TNFRSF4: variants seen among roughly 807,000 people sequenced by gnomAD.
TNFRSF4 encodes TNF receptor superfamily member 4, also known as tumor necrosis factor receptor superfamily member 4.
In TNFRSF4, 21 loss-of-function variants were observed where a neutral mutation model predicts 29.5. The observed-to-expected ratio is 0.71, with a 90% CI of 0.51 to 1.03. The LOEUF (loss-of-function observed/expected upper bound fraction) is 1.03, where lower values mean the gene tolerates loss of function less well. Among genes scored for constraint, TNFRSF4 ranks in the 50% least tolerant of loss-of-function variants. The pLI, the probability that TNFRSF4 is intolerant of heterozygous loss-of-function variation, is 0.00. For missense variants in TNFRSF4, 408 were observed against 387.8 expected, an observed-to-expected ratio of 1.05 and a Z score of -0.44; for synonymous variants, 197 against 172.7, an observed-to-expected ratio of 1.14 and a Z score of -1.10.
At position 1,213,696 on chromosome 1, in the gene TNFRSF4, T is replaced by G; in HGVS notation, c.235A>C (p.Lys79Gln). ...PGFYNDVVSS[K>Q]PCKPCTWCNL... ...CACCACGTGCAGGGCTTGCACGGCT[T>G]GGAGCTGACCACGTCGTTGTAGAAG... is the stretch of plus-strand genomic sequence containing the variant. The change falls in exon 2 of 7, where the codon AAG (lysine) becomes CAG (glutamine). Residue 79 changes from lysine to glutamine, a missense_variant. Physicochemically the swap from Lys to Gln is moderately conservative, Grantham distance 53. Transcript: ENST00000379236. 1 of 1,597,260 alleles carries G rather than the reference T, an allele frequency of 6.3e-7. No individual in the cohort carries two copies. The highest frequency in any genetic ancestry group is 1.1e-5 in the South Asian group (1 of 88,238).
At position 1,211,990 on chromosome 1, in the gene TNFRSF4, G is replaced by A; in HGVS notation, c.586C>T (p.Pro196Ser). The A allele has an allele frequency of 6.2e-7, 1 of 1,604,900 alleles. No individual in the cohort carries two copies. ...GTGGAGGGTCCCTGTGAGGTTCTGG[G>A]CCAGGCTTCAGTGGGCTGGACAGTG... ...PITVQPTEAW[P>S]RTSQGPSTRP... is the part of the protein sequence containing the mutation. The change falls in exon 5 of 7, where the codon CCC becomes TCC. Residue 196 changes from proline (P) to serine (S), a missense_variant. Physicochemically the swap from Pro to Ser is moderately conservative, Grantham distance 74. Coordinates refer to ENST00000379236, the MANE Select transcript of TNFRSF4 (RefSeq NM_003327.4).
chr1:1,212,063 G>A lies in TNFRSF4; in HGVS notation c.513C>T (p.Pro171=), dbSNP rs769524221. ...SSDAICEDRD[P]PATQPQETQG... ...GGGTCTCCTGGGGCTGCGTGGCTGGGGGGTCCCTGTCCTCACAGATTGCGT... is the reference window on the plus strand; with the variant it reads ...GGGTCTCCTGGGGCTGCGTGGCTGGAGGGTCCCTGTCCTCACAGATTGCGT... The change falls in exon 5 of 7, where the codon CCC becomes CCT. Residue 171 remains proline, a synonymous_variant. Transcript: ENST00000379236. 44 of 1,612,160 alleles carry A rather than the reference G, an allele frequency of 2.7e-5. No individual in the cohort carries two copies. Among genetic ancestry groups the A allele is most frequent in the Non-Finnish European group, 3.6e-5 (42 of 1,179,532 alleles).
At chr1:1,212,264 C>T (rs981200555) in intron 4 of TNFRSF4, 126 bp from the exon 5 acceptor site, 2 of 1,121,626 alleles carry the variant, frequency 1.8e-6, no homozygotes, top group Non-Finnish European at 2.6e-6. Context: ...AGGCCAGTGA[C>T]AGCCAAGGAC....
At position 1,213,802 on chromosome 1, in the gene TNFRSF4, C is replaced by A; in HGVS notation, c.146-17G>T. 1 of 1,583,866 alleles carries A rather than the reference C, an allele frequency of 6.3e-7. No homozygotes were observed. On this transcript the variant is annotated splice_polypyrimidine_tract_variant and intron_variant, in intron 1 of 6. Coordinates refer to ENST00000379236, the MANE Select transcript of TNFRSF4 (RefSeq NM_003327.4). ...TCCCGTTGCCTGCAGCAGAGGCCGGCGTCAGGCAGCGGTCAGGCCCCAGGC... is the reference window on the plus strand; with the variant it reads ...TCCCGTTGCCTGCAGCAGAGGCCGGAGTCAGGCAGCGGTCAGGCCCCAGGC...
Position 1,211,719 on chromosome 1 carries a change from C to A in TNFRSF4, c.748G>T (p.Ala250Ser). 6.3e-7 allele frequency: 1 copy of A among 1,585,950 alleles called. No individual in the cohort carries two copies. The change falls in exon 6 of 7, where the codon GCC (alanine) becomes TCC (serine). Residue 250 changes from alanine to serine, a missense_variant. Physicochemically the swap from Ala to Ser is moderately conservative, Grantham distance 99 (BLOSUM62 1). Coordinates refer to ENST00000379236, the MANE Select transcript of TNFRSF4 (RefSeq NM_003327.4). ...AGGCACTCACCAGGGGGCTTGTGGG[C>A]ATCGGGGGGCAGCCTCTGGTCCCTC... is the stretch of plus-strand genomic sequence containing the variant. The part of the protein sequence containing the change: ...LRRDQRLPPD[A>S]HKPPGGGSFR...
At chr1:1,211,683 G>A in intron 6 of TNFRSF4, 21 bp downstream of exon 6, 1 of 1,587,262 alleles carries the variant, frequency 6.3e-7, no homozygotes, top group Non-Finnish European at 8.6e-7. Context: ...GAGCAGTGCG[G>A]CAGGGCCATG....
At chr1:1,213,206 C>A in intron 2 of TNFRSF4, 113 bp from the exon 3 acceptor site, 1 of 1,535,716 alleles carries the variant, frequency 6.5e-7, no homozygotes, top group Non-Finnish European at 8.7e-7. Flanking sequence ...GGGCCGTGGG[C>A]AGGGGTCTGC....
In TNFRSF4 at chr1:1,214,107, C is replaced by T. The variant is rs1405732988; in HGVS notation, c.21G>A (p.Arg7=). MCVGAR[R]LGRGPCAALL... is the part of the protein sequence containing the mutation. The stretch of plus-strand genomic sequence containing the variant: ...GAGCCGCACACGGCCCGCGGCCCAG[C>T]CGCCGAGCCCCCACGCACATCCTCG... The change falls in exon 1 of 7, where the codon CGG becomes CGA. Residue 7 remains arginine, a synonymous_variant. Coordinates refer to ENST00000379236, the MANE Select transcript of TNFRSF4 (RefSeq NM_003327.4). This position sits in a 1 kb window ranked among gnomAD's most constrained non-coding sequence, Gnocchi z 4.2. The T allele has an allele frequency of 1.9e-6, 3 of 1,582,902 alleles. No homozygotes were observed. Among genetic ancestry groups the T allele is most frequent in the African/African-American group, 1.3e-5 (1 of 74,584 alleles).
chr1:1,212,476 G>A (rs1261459242), intron 4 of TNFRSF4, among the ~76,000 whole-genome samples, 162 bp downstream of exon 4: 1 of 151,422 alleles, frequency 6.6e-6, no homozygotes, highest in Non-Finnish European at 1.5e-5. Context: ...ACCAGGTCCA[G>A]CCACATAGCC....
At chr1:1,212,601 C>CG (rs1281036531) in intron 4 of TNFRSF4, 37 bp downstream of exon 4, 1 of 1,358,860 alleles carries the variant, frequency 7.4e-7, no homozygotes, top group Non-Finnish European at 9.9e-7. Flanking sequence ...CCCCAACCCC[C>CG]CCCCAGCCCC....
chr1:1,213,457 G>C lies in TNFRSF4; in HGVS notation c.268+206C>G, dbSNP rs747176391. 1.3e-5 allele frequency: 20 copies of C among 1,503,296 alleles called. 1 individual carries two copies. In the South Asian group the frequency reaches 2.2e-4, roughly 17 times the overall value. 93.1% of individuals were successfully genotyped at this position (1,503,296 alleles called of 1,614,324 possible). A position where few individuals can be genotyped will look rare whatever the true frequency, so the allele number is the denominator to read the frequency against. On this transcript the variant is annotated intron_variant, in intron 2 of 6. Transcript: ENST00000379236. ...GGTCTCCCCGACTCCACGTGGCCTG[G>C]GCCGAGTCTGGGCCCCCGGAGGGAG...
chr1:1,213,294 G>C, intron 2 of TNFRSF4: 2 of 1,528,228 alleles, frequency 1.3e-6, no homozygotes, highest in South Asian at 2.4e-5. Flanking sequence ...CCTGGGGCTG[G>C]TTCCGTGGCA....
chr1:1,213,632 G>C lies in TNFRSF4; in HGVS notation c.268+31C>G. ...TGCCAGGCTGCCGCCCCCTGTGCTG[G>C]GTGGGGCTGTGGGGCCAGGTGGGAG... On this transcript the variant is annotated intron_variant, in intron 2 of 6. Coordinates refer to ENST00000379236, the MANE Select transcript of TNFRSF4 (RefSeq NM_003327.4). 3.2e-6 allele frequency: 5 copies of C among 1,563,050 alleles called. No homozygotes were observed. The South Asian group carries it at 4.7e-5, about 15-fold the overall frequency.
Position 1,212,095 on chromosome 1 carries a change from T to C in TNFRSF4, c.481A>G (p.Ser161Gly). The change falls in exon 5 of 7, where the codon AGC becomes GGC. Residue 161 changes from serine to glycine, a missense_variant. Ser to Gly is a moderately conservative substitution (Grantham distance 56). Transcript: ENST00000379236. ...GKHTLQPASN[S>G]SDAICEDRDP... The stretch of plus-strand genomic sequence containing the variant: ...CTGTCCTCACAGATTGCGTCCGAGC[T>C]ATTGCTGGCCGGCTGCAGGGTGTGC... 1.9e-6 allele frequency: 3 copies of C among 1,612,608 alleles called. No homozygotes were observed. The highest frequency in any genetic ancestry group is 2.5e-6 in the Non-Finnish European group (3 of 1,179,746).
chr1:1,211,789 C>T lies in TNFRSF4; in HGVS notation c.678G>A (p.Gly226=). The T allele has an allele frequency of 6.4e-7, 1 of 1,557,712 alleles. No individual in the cohort carries two copies. Among genetic ancestry groups the T allele is most frequent in the Non-Finnish European group, 8.7e-7 (1 of 1,154,428 alleles). Residue 226 remains glycine (G), a synonymous_variant, in exon 6 of 7, where the codon GGG becomes GGA. Coordinates refer to ENST00000379236, the MANE Select transcript of TNFRSF4 (RefSeq NM_003327.4). ...GCAGGATGGCCAGGGGGCCCAGCAG[C>T]CCCAGCACCAGGCCCAGGCCCAGGA... is the stretch of plus-strand genomic sequence containing the variant. ...AAILGLGLVL[G]LLGPLAILLA...
chr1:1,211,821 C>T lies in TNFRSF4; in HGVS notation c.646G>A (p.Ala216Thr). The T allele has an allele frequency of 6.5e-7, 1 of 1,549,200 alleles. No homozygotes were observed. The highest frequency in any genetic ancestry group is 2.4e-5 in the East Asian group (1 of 41,664). ...PVEVPGGRAV[A>T]AILGLGLVLG... is the part of the protein sequence containing the mutation. ...ACCAGGCCCAGGCCCAGGATGGCGG[C>T]AACCGCACGGCCTGCAGGAAGGGGT... Residue 216 changes from alanine to threonine, a missense_variant, in exon 6 of 7, where the codon GCC becomes ACC. By Grantham distance (58) the Ala-to-Thr change is moderately conservative. Coordinates refer to ENST00000379236, the MANE Select transcript of TNFRSF4 (RefSeq NM_003327.4).
chr1:1,212,802 G>A, intron 3 of TNFRSF4, 98 bp from the exon 4 acceptor site: 1 of 1,271,382 alleles, frequency 7.9e-7, no homozygotes, highest in Non-Finnish European at 1.1e-6. Context: ...CCCCATGGCT[G>A]GGTGGTGGGT....
At position 1,211,973 on chromosome 1, in the gene TNFRSF4, T is replaced by C; in HGVS notation, c.603A>G (p.Gly201=). The C allele has an allele frequency of 1.3e-6, 2 of 1,596,244 alleles. No individual in the cohort carries two copies. Among genetic ancestry groups the C allele is most frequent in the Non-Finnish European group, 8.5e-7 (1 of 1,172,944 alleles). ...PTEAWPRTSQ[G]PSTRPVEVPG... is the part of the protein sequence containing the mutation. ...GGACCTCCACGGGCCGGGTGGAGGG[T>C]CCCTGTGAGGTTCTGGGCCAGGCTT... Residue 201 remains glycine, a synonymous_variant, in exon 5 of 7, where the codon GGA becomes GGG. Transcript: ENST00000379236.
At position 1,212,420 on chromosome 1, in the gene TNFRSF4, A is replaced by G. The variant is rs531809921; in HGVS notation, c.437+218T>C. Among the ~76,000 whole-genome samples, 14 of 147,938 alleles carry G rather than the reference A, an allele frequency of 9.5e-5. No individual in the cohort carries two copies. In the South Asian group the frequency reaches 1.1e-3, roughly 11 times the overall value. On this transcript the variant is annotated intron_variant, in intron 4 of 6. Transcript: ENST00000379236. ...GTGAGGGTCCCACACACCCAGCTCC[A>G]CCCACAGGGAAAGGCTGCCCCCAGG...
Sources: gnomAD v4.1 joint callset for allele counts (sites outside exome capture counted in the v4.1 genomes callset) on GRCh38, gnomAD v4.1.1 for gene constraint, Gnocchi (gnomAD v3.1) non-coding constraint, MANE v1.5 for transcripts, NCBI Gene and HGNC (gene_info 2026-07-23, HGNC 2026-07-21) for gene names.